PATJ: variants seen among roughly 807,000 people sequenced by gnomAD.
PATJ encodes PATJ crumbs cell polarity complex component.
Under a neutral mutation model 224.9 loss-of-function variants are expected in PATJ, and 190 were observed. The observed-to-expected ratio is 0.84, with a 90% CI of 0.75 to 0.95. The LOEUF is 0.95. PATJ is among the 40% of genes least tolerant of loss of function. The probability of loss-of-function intolerance (pLI) is 0.00; values close to 1 mark genes in which losing one functional copy is unlikely to be tolerated. For synonymous variants in PATJ, 769 were observed against 820.3 expected, an observed-to-expected ratio of 0.94 and a Z score of 1.07; for missense variants, 2,121 against 2,270.3, an observed-to-expected ratio of 0.93 and a Z score of 1.34.
intron 12 of PATJ, 105 bp downstream of exon 12, chr1:61,801,874 G>A: frequency 1.3e-6 from 1 of 754,908 alleles, no homozygotes. Flanking sequence ...GCATTTTGGA[G>A]ACATAAAATA....
chr1:62,090,201 A>G lies in PATJ; in HGVS notation c.4377+5553A>G, dbSNP rs74076526. On this transcript the variant is annotated intron_variant, in intron 33 of 43. Transcript: ENST00000642238. The stretch of plus-strand genomic sequence containing the variant: ...GAGGGTGAACCTCTTGGGAAGGTTT[A>G]CAAGCACACCTGGACCCAATCCTCA... Among the ~76,000 whole-genome samples the G allele has an allele frequency of 1.4e-3, 214 of 152,308 alleles. 1 individual carries two copies. The highest frequency in any genetic ancestry group is 5.0e-3 in the African/African-American group (206 of 41,564).
intron 38 of PATJ, 81 bp downstream of exon 38, chr1:62,121,376 T>G (rs1023275672): frequency 4.7e-5 from 39 of 826,258 alleles, no homozygotes; most frequent in Non-Finnish European, 3.3e-5. Context: ...AAAACCAGTC[T>G]TCTTTAATAT....
intron 29 of PATJ, among the ~76,000 whole-genome samples, chr1:62,032,581 A>G (rs946535869): frequency 6.6e-6 from 1 of 152,154 alleles, no homozygotes; most frequent in African/African-American, 2.4e-5. Context: ...AAGTTATATG[A>G]TTTTTACCAA....
At chr1:61,924,840 T>A (rs988409127) in intron 26 of PATJ, among the ~76,000 whole-genome samples, 1 of 152,170 alleles carries the variant, frequency 6.6e-6, no homozygotes, top group African/African-American at 2.4e-5. Flanking sequence ...AATGTAGACA[T>A]AGGAATGTAA....
intron 19 of PATJ, 36 bp downstream of exon 19, chr1:61,861,703 G>T (rs763869738): frequency 3.4e-6 from 3 of 889,740 alleles, no homozygotes; most frequent in East Asian, 5.7e-5. Context: ...TGAATGATTT[G>T]CTATGAGCTA....
intron 27 of PATJ, among the ~76,000 whole-genome samples, chr1:61,988,428 A>G (rs1287289969): frequency 1.3e-5 from 2 of 152,148 alleles, no homozygotes; most frequent in Non-Finnish European, 2.9e-5. Context: ...ACATGTCTCT[A>G]TTCATTCAAG....
chr1:62,143,964 A>G (rs1255476324), intron 41 of PATJ, among the ~76,000 whole-genome samples: 2 of 152,064 alleles, frequency 1.3e-5, no homozygotes, highest in Non-Finnish European at 2.9e-5. Flanking sequence ...TGGAAGCTGG[A>G]GTGGGGTAGG....
chr1:61,760,791 T>G (rs1645925312), intron 1 of PATJ, among the ~76,000 whole-genome samples: 1 of 151,910 alleles, frequency 6.6e-6, no homozygotes, highest in Non-Finnish European at 1.5e-5. Flanking sequence ...TTTTGTATTT[T>G]TATTAGAGAC....
At chr1:62,110,338 A>G (rs1322317457) in intron 34 of PATJ, among the ~76,000 whole-genome samples, 2 of 152,200 alleles carry the variant, frequency 1.3e-5, no homozygotes, top group Non-Finnish European at 2.9e-5. Context: ...CCTGTGACCC[A>G]CAGGAGGCCT....
chr1:61,994,316 G>T (rs1218941192), intron 28 of PATJ, among the ~76,000 whole-genome samples: 2 of 152,180 alleles, frequency 1.3e-5, no homozygotes, highest in African/African-American at 4.8e-5. Context: ...ACCTCAGAGG[G>T]TAGTGTGGGA....
At chr1:62,154,696 A>G (rs1442094249) in intron 43 of PATJ, among the ~76,000 whole-genome samples, 1 of 151,984 alleles carries the variant, frequency 6.6e-6, no homozygotes, top group Non-Finnish European at 1.5e-5. Context: ...AGGTCTTTGA[A>G]AGGAGAAATA....
chr1:61,949,997 C>T (rs1276511259), intron 27 of PATJ, among the ~76,000 whole-genome samples: 5 of 152,202 alleles, frequency 3.3e-5, no homozygotes, highest in Non-Finnish European at 7.4e-5. Flanking sequence ...GTCAAGAGTT[C>T]GAAACCAGCC....
chr1:62,103,811 C>G (rs79213985), intron 33 of PATJ, among the ~76,000 whole-genome samples: 12 of 151,494 alleles, frequency 7.9e-5, no homozygotes, highest in African/African-American at 2.9e-4. Context: ...TCGCACTGTA[C>G]GTAAAGCCTT....
At chr1:62,156,382 T>C (rs973870329) in intron 43 of PATJ, among the ~76,000 whole-genome samples, 1 of 150,818 alleles carries the variant, frequency 6.6e-6, no homozygotes, top group Non-Finnish European at 1.5e-5. Flanking sequence ...ATACAAAAAT[T>C]AGCCATTCGT....
At chr1:62,017,182 A>G (rs1457823060) in intron 28 of PATJ, among the ~76,000 whole-genome samples, 1 of 152,118 alleles carries the variant, frequency 6.6e-6, no homozygotes, top group Non-Finnish European at 1.5e-5. Flanking sequence ...TTGGGAGGCC[A>G]AGGCCTAAGG....
rs1455544119 is a variant in PATJ at position 62,161,301 on chromosome 1, G to A, written c.*247G>A. 1 of 222,932 alleles carries A rather than the reference G, an allele frequency of 4.5e-6. No individual in the cohort carries two copies. 13.8% of individuals were successfully genotyped at this position (222,932 alleles called of 1,614,324 possible). A position where few individuals can be genotyped will look rare whatever the true frequency, so the allele number is the denominator to read the frequency against. ...TTCTAAAACTTAAATGAGTCTACCT[G>A]TTTTGCATTTAATTTCAGTGTTCCG... On this transcript the variant is annotated 3_prime_UTR_variant, in exon 44 of 44. Coordinates refer to ENST00000642238, the MANE Select transcript of PATJ (RefSeq NM_001350145.3).
intron 6 of PATJ, among the ~76,000 whole-genome samples, chr1:61,772,463 C>T (rs1411372894): frequency 2.6e-5 from 4 of 151,888 alleles, no homozygotes; most frequent in South Asian, 2.1e-4. Flanking sequence ...TGCTTTTTAA[C>T]GTTTTACAGA....
chr1:61,783,423 C>CTTTTTT (rs79615768), intron 7 of PATJ, among the ~76,000 whole-genome samples: 14 of 119,176 alleles, frequency 1.2e-4, no homozygotes, highest in East Asian at 7.3e-4. Flanking sequence ...CTTTTCTTTT[C>CTTTTTT]TTTTTTTTTT....
intron 21 of PATJ, among the ~76,000 whole-genome samples, chr1:61,878,164 G>C (rs1437136218): frequency 1.3e-5 from 2 of 152,204 alleles, no homozygotes; most frequent in Non-Finnish European, 2.9e-5. Context: ...TAGAGAACCA[G>C]TTTCCTGTTC....
Sources: allele counts gnomAD v4.1 joint callset (sites outside exome capture counted in the v4.1 genomes callset), GRCh38; gene constraint gnomAD v4.1.1; transcripts MANE v1.5; gene names NCBI Gene and HGNC (gene_info 2026-07-23, HGNC 2026-07-21).